The following PCGF5 variants were observed in gnomAD, a reference collection of about 807,000 sequenced individuals.
The protein encoded by PCGF5 is polycomb group ring finger 5, also known as polycomb group RING finger protein 5.
PCGF5 carries 9 observed loss-of-function variants against 44.3 expected under a neutral mutation model. The observed-to-expected ratio is 0.20, with a 90% confidence interval of 0.12 to 0.35. PCGF5 has a LOEUF of 0.35. Ranked by LOEUF, PCGF5 falls within the 10% of genes least tolerant of loss-of-function variation. The pLI, the probability that PCGF5 is intolerant of heterozygous loss-of-function variation, is 1.00. For missense variants in PCGF5, 146 were observed against 305.3 expected, an observed-to-expected ratio of 0.48 and a Z score of 3.89; for synonymous variants, 95 against 102.5, an observed-to-expected ratio of 0.93 and a Z score of 0.44.
intron 1 of PCGF5, among the ~76,000 whole-genome samples, chr10:91,177,943 C>G (rs1843742154): frequency 6.6e-6 from 1 of 152,210 alleles, no homozygotes; most frequent in African/African-American, 2.4e-5. Flanking sequence ...CCAACAATCC[C>G]CAGTGAGATG....
intron 2 of PCGF5, among the ~76,000 whole-genome samples, chr10:91,223,342 G>C (rs778472042): frequency 6.6e-6 from 1 of 151,916 alleles, no homozygotes; most frequent in Non-Finnish European, 1.5e-5. Flanking sequence ...CTCTTAATTC[G>C]CTGGTTCTCA....
At chr10:91,226,126 A>G (rs556216546) in intron 2 of PCGF5, among the ~76,000 whole-genome samples, 10 of 152,140 alleles carry the variant, frequency 6.6e-5, no homozygotes, top group African/African-American at 2.4e-4. Flanking sequence ...AGTAAACGCT[A>G]GGTTTTATGG....
In PCGF5 at chr10:91,278,423, C is replaced by G; in HGVS notation, c.*107C>G. 3 of 1,007,028 alleles carry G rather than the reference C, an allele frequency of 3.0e-6. No homozygotes were observed. Among genetic ancestry groups the G allele is most frequent in the Non-Finnish European group, 4.7e-6 (3 of 640,596 alleles). 62.4% of individuals were successfully genotyped at this position (1,007,028 alleles called of 1,614,324 possible). On this transcript the variant is annotated 3_prime_UTR_variant, in exon 10 of 10. Coordinates refer to ENST00000336126, the MANE Select transcript of PCGF5 (RefSeq NM_032373.5). ...GACTAGAGGAACACAACCAGATTTTCAGCATGCAAATAAGGCCATTGTCTA... is the reference window on the plus strand; with the variant it reads ...GACTAGAGGAACACAACCAGATTTTGAGCATGCAAATAAGGCCATTGTCTA...
At chr10:91,263,809 G>T (rs542341175) in intron 7 of PCGF5, among the ~76,000 whole-genome samples, 3 of 152,224 alleles carry the variant, frequency 2.0e-5, no homozygotes, top group African/African-American at 4.8e-5. Context: ...CACTGACCAG[G>T]CAAACCAGAG....
chr10:91,196,688 G>A (rs1444916372), intron 1 of PCGF5, among the ~76,000 whole-genome samples: 1 of 152,148 alleles, frequency 6.6e-6, no homozygotes, highest in Non-Finnish European at 1.5e-5. Context: ...AATGCTATTT[G>A]TGTATTTCTT....
rs566256458 is a variant in PCGF5, at chr10:91,189,769, C to T, written c.-184+26688C>T. 1.2e-3 allele frequency among the ~76,000 whole-genome samples: 185 copies of T among 152,248 alleles called. 2 individuals carry two copies. Among genetic ancestry groups the T allele is most frequent in the Non-Finnish European group, 2.2e-3 (147 of 68,016 alleles). ...TTGCCTGGTGGGAAACAGTTAAAAT[C>T]CTAAGAAGCATCTGAGCCAGTATTG... On this transcript the variant is annotated intron_variant, in intron 1 of 9. Coordinates refer to the PCGF5 transcript ENST00000614189.
At chr10:91,218,080 C>T (rs913135299), upstream of PCGF5, among the ~76,000 whole-genome samples, 6 of 152,234 alleles carry the variant, frequency 3.9e-5, no homozygotes, top group Admixed American at 6.5e-5. Flanking sequence ...AGCCACCGTG[C>T]GCAGCCCTAA....
At chr10:91,210,076 AT>A (rs1844420484) in intron 1 of PCGF5, among the ~76,000 whole-genome samples, 1 of 152,206 alleles carries the variant, frequency 6.6e-6, no homozygotes, top group African/African-American at 2.4e-5. Context: ...AGCTTGGGCA[AT>A]TTCTAACATA....
At chr10:91,213,413 TTATAAG>T (rs1417984050) in intron 1 of PCGF5, among the ~76,000 whole-genome samples, 9 of 152,188 alleles carry the variant, frequency 5.9e-5, no homozygotes, top group South Asian at 4.1e-4. Flanking sequence ...GTGTCAGATA[TTATAAG>T]TATGTTTCTG....
At chr10:91,195,386 G>A (rs1010661953) in intron 1 of PCGF5, among the ~76,000 whole-genome samples, 1 of 151,300 alleles carries the variant, frequency 6.6e-6, no homozygotes, top group Non-Finnish European at 1.5e-5. Flanking sequence ...ACTCCTAGAA[G>A]ATCACTTGCC....
At chr10:91,191,328 T>C (rs1216591260) in intron 1 of PCGF5, among the ~76,000 whole-genome samples, 1 of 152,164 alleles carries the variant, frequency 6.6e-6, no homozygotes, top group Admixed American at 6.5e-5. Context: ...AGATGGCTAC[T>C]GAGTGACTAA....
At chr10:91,246,634 G>C (rs1333296208) in intron 3 of PCGF5, among the ~76,000 whole-genome samples, 1 of 152,140 alleles carries the variant, frequency 6.6e-6, no homozygotes, top group Non-Finnish European at 1.5e-5. Context: ...TGGAAGAATT[G>C]TTGGGAGAAT....
At chr10:91,195,124 AAT>A (rs1844103567) in intron 1 of PCGF5, among the ~76,000 whole-genome samples, 1 of 152,082 alleles carries the variant, frequency 6.6e-6, no homozygotes, top group Admixed American at 6.6e-5. Context: ...AAAGATGAGA[AAT>A]AGTCCATCGG....
chr10:91,220,039 G>A (rs1844625508), upstream of PCGF5: 1 of 152,134 alleles, frequency 6.6e-6, no homozygotes, highest in South Asian at 2.1e-4. Context: ...GCAGTGAATG[G>A]TCTCTTGTAG....
At chr10:91,213,976 G>T (rs1054015406) in intron 1 of PCGF5, among the ~76,000 whole-genome samples, 1 of 152,044 alleles carries the variant, frequency 6.6e-6, no homozygotes, top group African/African-American at 2.4e-5. Context: ...ATCAGTTTGG[G>T]CTCTTAATTC....
intron 3 of PCGF5, among the ~76,000 whole-genome samples, chr10:91,247,220 G>A (rs1052500034): frequency 5.9e-5 from 9 of 151,748 alleles, no homozygotes; most frequent in African/African-American, 2.2e-4. Context: ...AGGGAGGCAG[G>A]CAGTGTTAGA....
chr10:91,222,122 A>G (rs999418476), intron 1 of PCGF5, among the ~76,000 whole-genome samples: 17 of 152,160 alleles, frequency 1.1e-4, no homozygotes, highest in South Asian at 2.1e-4. Context: ...TTCTGTTTGT[A>G]AAGAGAAGAC....
chr10:91,225,540 G>A (rs1183311960), intron 2 of PCGF5, among the ~76,000 whole-genome samples: 1 of 151,428 alleles, frequency 6.6e-6, no homozygotes, highest in Non-Finnish European at 1.5e-5. Context: ...ATGGAGTCAG[G>A]TACTCCATCG....
At chr10:91,233,267 G>C (rs1845060594) in intron 2 of PCGF5, among the ~76,000 whole-genome samples, 1 of 152,118 alleles carries the variant, frequency 6.6e-6, no homozygotes, top group African/African-American at 2.4e-5. Context: ...CAGAAGTAGG[G>C]TAACCTTTTC....
Sources: allele counts gnomAD v4.1 joint callset (sites outside exome capture counted in the v4.1 genomes callset), GRCh38; gene constraint gnomAD v4.1.1; transcripts MANE v1.5; gene names NCBI Gene and HGNC (gene_info 2026-07-23, HGNC 2026-07-21).